The following DNASE2 variants were observed in gnomAD, a reference collection of about 807,000 sequenced individuals.
DNASE2 encodes deoxyribonuclease-2-alpha.
DNASE2 carries 26 observed loss-of-function variants against 29.8 expected under a neutral mutation model. That is an observed-to-expected ratio of 0.87 (90% CI 0.64 to 1.21). The LOEUF is 1.21. Ranked by LOEUF, DNASE2 falls within the 50% of genes most tolerant of loss-of-function variation. The pLI, the probability that DNASE2 is intolerant of heterozygous loss-of-function variation, is 0.00. For synonymous variants in DNASE2, 186 were observed against 193.5 expected (o/e 0.96, Z 0.32); for missense variants, 415 against 455.6 (o/e 0.91, Z 0.81).
Position 12,876,153 on chromosome 19 carries a change from G to A in DNASE2, c.920C>T (p.Thr307Ile), listed in dbSNP as rs562507670. 2 of 1,614,156 alleles carry A rather than the reference G, an allele frequency of 1.2e-6. No individual in the cohort carries two copies. The highest frequency in any genetic ancestry group is 1.7e-6 in the Non-Finnish European group (2 of 1,180,030). Residue 307 changes from threonine to isoleucine, a missense_variant, in exon 6 of 6, where the codon ACC (threonine) becomes ATC (isoleucine). By Grantham distance (89) the Thr-to-Ile change is moderately conservative. Transcript: ENST00000222219. Reference sequence around the variant, plus strand: ...GTTCCGATTCATGTCACCCACGCAGGTCCAGGGCCCTTTTGGGGACACGCA... The same window carrying A: ...GTTCCGATTCATGTCACCCACGCAGATCCAGGGCCCTTTTGGGGACACGCA... ...KWCVSPKGPWTCVGDMNRNQG... is the reference protein window; with the variant it reads ...KWCVSPKGPWICVGDMNRNQG...
intron 5 of DNASE2, among the ~76,000 whole-genome samples, chr19:12,876,803 TGAC>T (rs1434025021): frequency 2.0e-5 from 3 of 151,574 alleles, no homozygotes; most frequent in African/African-American, 7.3e-5. Context: ...CTGGGAATGA[TGAC>T]ATTAATATTA....
chr19:12,881,444 A>T lies in DNASE2; in HGVS notation c.-69T>A. 6.5e-7 allele frequency: 1 copy of T among 1,538,976 alleles called. No homozygotes were observed. Among genetic ancestry groups the T allele is most frequent in the Non-Finnish European group, 8.8e-7 (1 of 1,140,968 alleles). On this transcript the variant is annotated 5_prime_UTR_variant, in exon 1 of 6. Transcript: ENST00000222219. ...GGGGCGCTGGGTTACATCAGAGGCC[A>T]GGACTGGCACCTGGCGCCTTTCACT...
In DNASE2 at chr19:12,881,421, G is replaced by A; in HGVS notation, c.-46C>T. ...CCAGGAATCTGTGTCGGGACTGCGG[G>A]GCGCTGGGTTACATCAGAGGCCAGG... On this transcript the variant is annotated 5_prime_UTR_variant, in exon 1 of 6. Coordinates refer to ENST00000222219, the MANE Select transcript of DNASE2 (RefSeq NM_001375.3). The A allele has an allele frequency of 1.9e-6, 3 of 1,547,364 alleles. No individual in the cohort carries two copies. Among genetic ancestry groups the A allele is most frequent in the South Asian group, 2.4e-5 (2 of 83,924 alleles).
intron 5 of DNASE2, 90 bp downstream of exon 5, chr19:12,878,292 T>C (rs755282439): frequency 2.8e-4 from 423 of 1,512,342 alleles, no homozygotes; most frequent in Non-Finnish European, 3.7e-4. Flanking sequence ...ACAGACCTGG[T>C]CTCTACCGCT....
At chr19:12,876,429 TC>T in intron 5 of DNASE2, 66 bp from the exon 6 acceptor site, 2 of 1,565,804 alleles carry the variant, frequency 1.3e-6, no homozygotes, top group South Asian at 2.3e-5. Flanking sequence ...CTAGTCCACT[TC>T]CCCTCTCTCA....
In DNASE2 at chr19:12,875,798, T is replaced by C; in HGVS notation, c.*192A>G. ...ATGATCTCCCTGGTTCAATCGATCC[T>C]CTGGCTTCAGTGGCTGGGACTACAG... On this transcript the variant is annotated 3_prime_UTR_variant, in exon 6 of 6. Transcript: ENST00000222219. 1.7e-6 allele frequency: 1 copy of C among 577,080 alleles called. No homozygotes were observed. The highest frequency in any genetic ancestry group is 2.9e-6 in the Non-Finnish European group (1 of 339,348). 35.7% of individuals were successfully genotyped at this position (577,080 alleles called of 1,614,324 possible).
At position 12,877,088 on chromosome 19, in the gene DNASE2, A is replaced by T. The variant is rs146179973; in HGVS notation, c.710-725T>A. Reference sequence around the variant, plus strand: ...AGCCAGCGCCCTCCACCATGCCCAGATAATTTTTGTACTTTTAGTAGAGAT... The same window carrying T: ...AGCCAGCGCCCTCCACCATGCCCAGTTAATTTTTGTACTTTTAGTAGAGAT... On this transcript the variant is annotated intron_variant, in intron 5 of 5. Transcript: ENST00000222219. Among the ~76,000 whole-genome samples the T allele has an allele frequency of 4.7e-4, 71 of 151,910 alleles. 1 individual carries two copies. Among genetic ancestry groups the T allele is most frequent in the African/African-American group, 1.7e-3 (70 of 41,458 alleles).
At position 12,878,422 on chromosome 19, in the gene DNASE2, A is replaced by G. The variant is rs1430692785; in HGVS notation, c.669T>C (p.Ala223=). Residue 223 remains alanine (A), a synonymous_variant, in exon 5 of 6, where the codon GCT becomes GCC. Coordinates refer to ENST00000222219, the MANE Select transcript of DNASE2 (RefSeq NM_001375.3). ...SSITLTSQAG[A]VFQSFAKFSK... ...TGAACTTGGCAAAGCTCTGGAAAAC[A>G]GCCCCGGCCTGGGATGTGAGTGTGA... 6.2e-7 allele frequency: 1 copy of G among 1,613,222 alleles called. No homozygotes were observed. The highest frequency in any genetic ancestry group is 1.3e-5 in the African/African-American group (1 of 74,896).
In DNASE2 at chr19:12,878,486, T is replaced by G. The variant is rs771117083; in HGVS notation, c.605A>C (p.Lys202Thr). The G allele has an allele frequency of 1.9e-6, 3 of 1,613,988 alleles. No individual in the cohort carries two copies. The African/African-American group carries it at 4.0e-5, about 22-fold the overall frequency. ...GGGTTCTTGGCTAACGTGGTGGCCCTTGACCACATTCTCCAAGTCGGGGAA... is the reference window on the plus strand; with the variant it reads ...GGGTTCTTGGCTAACGTGGTGGCCCGTGACCACATTCTCCAAGTCGGGGAA... ...QEFPDLENVVKGHHVSQEPWN... is the reference protein window; with the variant it reads ...QEFPDLENVVTGHHVSQEPWN... The change falls in exon 5 of 6, where the codon AAG (lysine) becomes ACG (threonine). Residue 202 changes from lysine to threonine, a missense_variant. Lys to Thr is a moderately conservative substitution (Grantham distance 78). Transcript: ENST00000222219.
At chr19:12,877,104 T>C (rs1970330379) in intron 5 of DNASE2, among the ~76,000 whole-genome samples, 1 of 152,172 alleles carries the variant, frequency 6.6e-6, no homozygotes. Context: ...TTTGTACTTT[T>C]AGTAGAGATG....
intron 5 of DNASE2, among the ~76,000 whole-genome samples, chr19:12,877,212 C>G (rs998902211): frequency 6.6e-6 from 1 of 151,944 alleles, no homozygotes; most frequent in Non-Finnish European, 1.5e-5. Context: ...GGTGAGCCAC[C>G]GCGTCCGGCC....
chr19:12,878,781 T>G lies in DNASE2; in HGVS notation c.400A>C (p.Asn134His), dbSNP rs1422751089. ...GGFWLVHSVP[N>H]FPPPASSAAY... ...GCAGAGGAGGCCGGTGGAGGGAAGTTAGGTACACTGTGGACCAGCCAGAAG... is the reference window on the plus strand; with the variant it reads ...GCAGAGGAGGCCGGTGGAGGGAAGTGAGGTACACTGTGGACCAGCCAGAAG... Residue 134 changes from asparagine to histidine, a missense_variant, in exon 4 of 6, where the codon AAC becomes CAC. Asn to His is a moderately conservative substitution (Grantham distance 68, BLOSUM62 1). Transcript: ENST00000222219. The G allele has an allele frequency of 6.2e-7, 1 of 1,613,824 alleles. No individual in the cohort carries two copies. Among genetic ancestry groups the G allele is most frequent in the Non-Finnish European group, 8.5e-7 (1 of 1,179,968 alleles).
rs528294476 is a variant in DNASE2, at chr19:12,878,909, G to A, written c.347-75C>T. On this transcript the variant is annotated intron_variant, in intron 3 of 5. Transcript: ENST00000222219. ...TGTAATCCCAGCACTTTGGGAGACC[G>A]AGACACACAGATCACCTGAGGTCAG... 2.9e-5 allele frequency: 44 copies of A among 1,514,968 alleles called. No individual in the cohort carries two copies. The African/African-American group carries it at 4.0e-4, about 14-fold the overall frequency. 93.8% of individuals were successfully genotyped at this position (1,514,968 alleles called of 1,614,324 possible).
In DNASE2 at chr19:12,875,989, G is replaced by T; in HGVS notation, c.*1C>A. On this transcript the variant is annotated 3_prime_UTR_variant, in exon 6 of 6. Transcript: ENST00000222219. The stretch of plus-strand genomic sequence containing the variant: ...TGAGCCACTGCACCTGGCCATAAGG[G>T]TTAGATCTTATAAGCTCTGCTGGGC... 1 of 1,612,970 alleles carries T rather than the reference G, an allele frequency of 6.2e-7. No individual in the cohort carries two copies. The highest frequency in any genetic ancestry group is 8.5e-7 in the Non-Finnish European group (1 of 1,180,014).
chr19:12,880,842 G>A lies in DNASE2; in HGVS notation c.306C>T (p.Pro102=). The change falls in exon 3 of 6, where the codon CCC becomes CCT. Residue 102 remains proline (P), a synonymous_variant. Transcript: ENST00000222219. Reference sequence around the variant, plus strand: ...GCATGGAAGAGTCCTGAGCCTTGCTGGGTTGAGGCGGTTGGTCATTGTAGA... The same window carrying A: ...GCATGGAAGAGTCCTGAGCCTTGCTAGGTTGAGGCGGTTGGTCATTGTAGA... ...FLLYNDQPPQ[P]SKAQDSSMRG... is the part of the protein sequence containing the mutation. The A allele has an allele frequency of 1.9e-6, 3 of 1,614,206 alleles. No homozygotes were observed. The South Asian group carries it at 3.3e-5, about 18-fold the overall frequency.
chr19:12,877,766 G>C (rs1320600421), intron 5 of DNASE2, among the ~76,000 whole-genome samples: 1 of 151,544 alleles, frequency 6.6e-6, no homozygotes, highest in South Asian at 2.1e-4. Context: ...GGATGGTCTC[G>C]ATCTCCTGAG....
At position 12,880,959 on chromosome 19, in the gene DNASE2, G is replaced by A. The variant is rs1021965358; in HGVS notation, c.267+13C>T. On this transcript the variant is annotated intron_variant, in intron 2 of 5. Transcript: ENST00000222219. ...TAGAGTTTCGCCCCTAGTTGGCCCG[G>A]GGCCCCCTTCACCTGGCTGGTGTTG... The A allele has an allele frequency of 1.2e-6, 2 of 1,614,060 alleles. No individual in the cohort carries two copies. Among genetic ancestry groups the A allele is most frequent in the Admixed American group, 1.7e-5 (1 of 59,998 alleles).
chr19:12,877,470 G>A (rs916242364), intron 5 of DNASE2, among the ~76,000 whole-genome samples: 20 of 152,058 alleles, frequency 1.3e-4, no homozygotes, highest in African/African-American at 4.8e-4. Flanking sequence ...AAACTCCTGG[G>A]CTCAAGCAAT....
rs200368093 is a variant in DNASE2 at position 12,881,014 on chromosome 19, C to G, written c.225G>C (p.Val75=). The change falls in exon 2 of 6, where the codon GTG becomes GTC. Residue 75 remains valine, a synonymous_variant. Transcript: ENST00000222219. ...GGTACAGCGGCTGCAGGCTTCGGCCCACGGCCCCCTCCGGGCTGTTGATGA... is the reference window on the plus strand; with the variant it reads ...GGTACAGCGGCTGCAGGCTTCGGCCGACGGCCCCCTCCGGGCTGTTGATGA... The part of the protein sequence containing the change: ...RALINSPEGA[V]GRSLQPLYRS... 6.2e-7 allele frequency: 1 copy of G among 1,614,006 alleles called. No individual in the cohort carries two copies. The highest frequency in any genetic ancestry group is 8.5e-7 in the Non-Finnish European group (1 of 1,180,010).
Sources: allele counts gnomAD v4.1 joint callset (sites outside exome capture counted in the v4.1 genomes callset), GRCh38; gene constraint gnomAD v4.1.1; transcripts MANE v1.5; gene names NCBI Gene and HGNC (gene_info 2026-07-23, HGNC 2026-07-21).